GAREM1: variants seen among roughly 807,000 people sequenced by gnomAD.
GAREM1 encodes the protein GRB2 associated regulator of MAPK1 subtype 1.
A neutral mutation model predicts 71.3 loss-of-function variants in GAREM1; 26 were observed. The observed-to-expected ratio is 0.36, with a 90% CI of 0.27 to 0.51. GAREM1 has a LOEUF of 0.51. Among genes scored for constraint, GAREM1 ranks in the 20% least tolerant of loss-of-function variants. The pLI, the probability that GAREM1 is intolerant of heterozygous loss-of-function variation, is 0.95. For missense variants in GAREM1, 1,026 were observed against 1,103.1 expected (o/e 0.93, Z 0.99); for synonymous variants, 440 against 433.2 (o/e 1.02, Z -0.20).
At chr18:32,413,583 T>C (rs754141743) in intron 1 of GAREM1, among the ~76,000 whole-genome samples, 1 of 152,062 alleles carries the variant, frequency 6.6e-6, no homozygotes, top group Non-Finnish European at 1.5e-5. Context: ...AAGGACACTA[T>C]ATCAAAATAA....
At position 32,392,885 on chromosome 18, in the gene GAREM1, G is replaced by A. The variant is rs1327421455; in HGVS notation, c.262+10C>T. The A allele has an allele frequency of 1.2e-6, 2 of 1,610,800 alleles. No individual in the cohort carries two copies. The highest frequency in any genetic ancestry group is 1.7e-6 in the Non-Finnish European group (2 of 1,177,898). ...TCGCTGCCTCATCTTGGCCCTTGGA[G>A]GAGTCTTACCTGCATAATGTACCGG... On this transcript the variant is annotated intron_variant, in intron 2 of 5. Coordinates refer to ENST00000269209, the MANE Select transcript of GAREM1 (RefSeq NM_001242409.2).
At chr18:32,319,682 T>C (rs1319928273) in intron 2 of GAREM1, among the ~76,000 whole-genome samples, 1 of 152,184 alleles carries the variant, frequency 6.6e-6, no homozygotes, top group Non-Finnish European at 1.5e-5. Flanking sequence ...TCCCTCCCAA[T>C]CTTACCCTCA....
intron 1 of GAREM1, among the ~76,000 whole-genome samples, chr18:32,417,815 CAG>C (rs1451163767): frequency 1.3e-5 from 2 of 152,026 alleles, no homozygotes; most frequent in Non-Finnish European, 2.9e-5. Flanking sequence ...TATAGAACAA[CAG>C]GGGGACTATA....
In GAREM1 at chr18:32,378,057, T is replaced by TGC. The variant is rs1555640407; in HGVS notation, c.262+14836_262+14837dup. Reference sequence around the variant, plus strand: ...GTGTGTGTGTGTGTGTGTGTGTGTGTGCGCGCGGGCGCTTTGGAGGAGGGC... The same window carrying TGC: ...GTGTGTGTGTGTGTGTGTGTGTGTGTGCGCGCGCGGGCGCTTTGGAGGAGGGC... On this transcript the variant is annotated intron_variant, in intron 2 of 5. Coordinates refer to ENST00000269209, the MANE Select transcript of GAREM1 (RefSeq NM_001242409.2). 5.5e-3 allele frequency among the ~76,000 whole-genome samples: 706 copies of TGC among 127,572 alleles called. 6 individuals are homozygous for TGC. Among genetic ancestry groups the TGC allele is most frequent in the South Asian group, 7.5e-3 (30 of 4,008 alleles). The allele number at this position is 127,572 out of a possible 152,430, so 83.7% of individuals were successfully genotyped here. A position where few individuals can be genotyped will look rare whatever the true frequency, so the allele number is the denominator to read the frequency against.
At chr18:32,376,380 T>C (rs1220020313) in intron 2 of GAREM1, among the ~76,000 whole-genome samples, 2 of 152,258 alleles carry the variant, frequency 1.3e-5, no homozygotes, top group African/African-American at 2.4e-5. Context: ...GAAACATTAT[T>C]GACGTTTACA....
chr18:32,378,057 T>TGTGTGTGTGTGTGTGTGTGTGTGCGC (rs1293817110), intron 2 of GAREM1, among the ~76,000 whole-genome samples: 1 of 127,526 alleles, frequency 7.8e-6, no homozygotes, highest in African/African-American at 3.0e-5. Flanking sequence ...TGTGTGTGTG[T>TGTGTGTGTGTGTGTGTGTGTGTGCGC]GCGCGCGGGC....
chr18:32,468,411 T>G (rs1362138798), intron 1 of GAREM1, among the ~76,000 whole-genome samples: 1 of 152,164 alleles, frequency 6.6e-6, no homozygotes, highest in Admixed American at 6.5e-5. Context: ...TATCTGGCAA[T>G]GATTCCAAAT....
At chr18:32,377,699 G>C (rs1426734709) in intron 2 of GAREM1, among the ~76,000 whole-genome samples, 1 of 152,140 alleles carries the variant, frequency 6.6e-6, no homozygotes, top group Non-Finnish European at 1.5e-5. Flanking sequence ...AAGTAGTTGG[G>C]ACTACAGGCG....
intron 2 of GAREM1, among the ~76,000 whole-genome samples, chr18:32,371,407 A>G (rs1206823224): frequency 6.6e-6 from 1 of 152,216 alleles, no homozygotes; most frequent in East Asian, 1.9e-4. Context: ...GGCAGTTAAA[A>G]GGCCCCTATA....
rs768135515 is a variant in GAREM1, at chr18:32,392,905, T to G, written c.252A>C (p.Val84=). Residue 84 remains valine, a synonymous_variant, in exon 2 of 6, where the codon GTA becomes GTC. Coordinates refer to ENST00000269209, the MANE Select transcript of GAREM1 (RefSeq NM_001242409.2). ...TTGGAGGAGTCTTACCTGCATAATG[T>G]ACCGGAATCTCTATCTTTGGCCCAA... ...YVIGPKIEIP[V]HYAGQFKLLE... The G allele has an allele frequency of 1.2e-6, 2 of 1,613,774 alleles. No homozygotes were observed. The highest frequency in any genetic ancestry group is 1.7e-6 in the Non-Finnish European group (2 of 1,179,798).
At chr18:32,318,095 G>C (rs1389029684) in intron 2 of GAREM1, among the ~76,000 whole-genome samples, 1 of 152,178 alleles carries the variant, frequency 6.6e-6, no homozygotes, top group South Asian at 2.1e-4. Context: ...TGTCTCCATT[G>C]TAAGAGCTGT....
Position 32,388,655 on chromosome 18 carries a change from G to A in GAREM1, c.262+4240C>T, listed in dbSNP as rs561268699. On this transcript the variant is annotated intron_variant, in intron 2 of 5. Transcript: ENST00000269209. ...TAGCCTCATCAAATCACGAGGACAC[G>A]GGGAAACCCAAACTGAGGGTTGTTT... 5.9e-5 allele frequency among the ~76,000 whole-genome samples: 9 copies of A among 152,282 alleles called. No individual in the cohort carries two copies. In the East Asian group the frequency reaches 9.6e-4, roughly 16 times the overall value.
intron 1 of GAREM1, among the ~76,000 whole-genome samples, chr18:32,404,052 G>A (rs998419716): frequency 6.6e-6 from 1 of 152,084 alleles, no homozygotes; most frequent in Non-Finnish European, 1.5e-5. Flanking sequence ...ATTTCTCCCT[G>A]GACATTGAAT....
At chr18:32,464,288 A>G (rs1651437778) in intron 1 of GAREM1, among the ~76,000 whole-genome samples, 1 of 152,052 alleles carries the variant, frequency 6.6e-6, no homozygotes, top group African/African-American at 2.4e-5. Context: ...AAGAAAAAAA[A>G]AAGATGTAAG....
intron 1 of GAREM1, among the ~76,000 whole-genome samples, chr18:32,469,493 TCA>T (rs1216779625): frequency 6.6e-6 from 1 of 152,194 alleles, no homozygotes; most frequent in Admixed American, 6.5e-5. Flanking sequence ...TTACGTGTCA[TCA>T]CTCTCCAACT....
chr18:32,361,626 G>C (rs911405007), intron 2 of GAREM1, among the ~76,000 whole-genome samples: 1 of 152,108 alleles, frequency 6.6e-6, no homozygotes, highest in Non-Finnish European at 1.5e-5. Context: ...AAACTAACAG[G>C]AAATGAAATT....
At position 32,470,178 on chromosome 18, in the gene GAREM1, G is replaced by A; in HGVS notation, c.121+130C>T. The A allele has an allele frequency of 1.7e-6, 2 of 1,177,216 alleles. No individual in the cohort carries two copies. Among genetic ancestry groups the A allele is most frequent in the East Asian group, 3.2e-5 (1 of 30,942 alleles). 72.9% of individuals were successfully genotyped at this position (1,177,216 alleles called of 1,614,324 possible). On this transcript the variant is annotated intron_variant, in intron 1 of 5. Transcript: ENST00000269209. This position sits in a 1 kb window ranked among gnomAD's most constrained non-coding sequence, Gnocchi z 4.4. Reference sequence around the variant, plus strand: ...CGCGCCAGGGCTGCGGCAGCCGCTCGGGCCAACTCCGGCGCTCAGGGGCGG... The same window carrying A: ...CGCGCCAGGGCTGCGGCAGCCGCTCAGGCCAACTCCGGCGCTCAGGGGCGG...
At chr18:32,340,747 G>A (rs755116848) in intron 2 of GAREM1, among the ~76,000 whole-genome samples, 39 of 152,088 alleles carry the variant, frequency 2.6e-4, no homozygotes, top group Non-Finnish European at 4.4e-4. Context: ...TTTTCATGCT[G>A]TTATTATCCA....
At chr18:32,400,915 G>A (rs113223358) in intron 1 of GAREM1, among the ~76,000 whole-genome samples, 20,303 of 152,014 alleles carry the variant, frequency 0.13, 1,568 homozygotes, top group African/African-American at 0.21. Flanking sequence ...CAAAGACTTG[G>A]AACCAACCCA....
Sources: gnomAD v4.1 joint callset for allele counts (sites outside exome capture counted in the v4.1 genomes callset) on GRCh38, gnomAD v4.1.1 for gene constraint, Gnocchi (gnomAD v3.1) non-coding constraint, MANE v1.5 for transcripts, NCBI Gene and HGNC (gene_info 2026-07-23, HGNC 2026-07-21) for gene names.